GBF1: variants seen among roughly 807,000 people sequenced by gnomAD.
GBF1 encodes the protein Golgi-specific brefeldin A-resistance guanine nucleotide exchange factor 1.
A neutral mutation model predicts 210.5 loss-of-function variants in GBF1; 114 were observed. The ratio of observed to expected loss-of-function variants is 0.54; its 90% CI spans 0.47 to 0.63. GBF1 has a LOEUF of 0.63. GBF1 is among the 30% of genes least tolerant of loss of function. The probability of loss-of-function intolerance (pLI) is 0.00; values close to 1 mark genes in which losing one functional copy is unlikely to be tolerated. For missense variants in GBF1, 1,851 were observed against 2,357.7 expected (o/e 0.79, Z 4.45); for synonymous variants, 850 against 889.2 (o/e 0.96, Z 0.78).
At chr10:102,243,927 C>T (rs1590411832), upstream of GBF1, among the ~76,000 whole-genome samples, 2 of 151,968 alleles carry the variant, frequency 1.3e-5, no homozygotes, top group Admixed American at 1.3e-4. Flanking sequence ...GTCAGGAGTT[C>T]GAGACCAGCC....
chr10:102,231,122 C>A, the GBF1 span: 9 of 1,507,742 alleles, frequency 6.0e-6, no homozygotes, highest in Non-Finnish European at 7.9e-6. Flanking sequence ...GGGAGAAAGG[C>A]GGTCAGGGCC....
intron 30 of GBF1, 128 bp downstream of exon 30, chr10:102,375,712 C>T: frequency 3.1e-6 from 2 of 641,602 alleles, no homozygotes; most frequent in Non-Finnish European, 2.8e-6. Context: ...GCCATCACTT[C>T]CAGAGCTTCC....
At chr10:102,367,656 C>A in intron 21 of GBF1, 96 bp downstream of exon 21, 1 of 792,196 alleles carries the variant, frequency 1.3e-6, no homozygotes, top group Non-Finnish European at 2.2e-6. Flanking sequence ...TGCAGTGACT[C>A]ACATGCCCTG....
intron 3 of GBF1, among the ~76,000 whole-genome samples, chr10:102,261,193 A>T (rs1462336074): frequency 1.3e-5 from 2 of 152,110 alleles, no homozygotes; most frequent in African/African-American, 2.4e-5. Context: ...TTGCTTCTGT[A>T]CATGTGATTA....
At chr10:102,344,680 C>T (rs1045438423) in intron 4 of GBF1, among the ~76,000 whole-genome samples, 54 of 152,136 alleles carry the variant, frequency 3.5e-4, no homozygotes, top group African/African-American at 1.3e-3. Context: ...CGGGGTTTCA[C>T]CATGTTAGCC....
chr10:102,301,547 A>C (rs2077352611), intron 3 of GBF1, among the ~76,000 whole-genome samples: 1 of 151,314 alleles, frequency 6.6e-6, no homozygotes, highest in Non-Finnish European at 1.5e-5. Context: ...CACTTCTCAG[A>C]CTGGGCAGCT....
intron 29 of GBF1, among the ~76,000 whole-genome samples, chr10:102,371,448 A>G (rs945948368): frequency 6.6e-6 from 1 of 152,234 alleles, no homozygotes; most frequent in Non-Finnish European, 1.5e-5. Flanking sequence ...GAAGAGGCAT[A>G]CTATGTTCAT....
chr10:102,375,575 C>T lies in GBF1; in HGVS notation c.3877C>T (p.Pro1293Ser). 1.2e-6 allele frequency: 2 copies of T among 1,607,058 alleles called. No homozygotes were observed. Among genetic ancestry groups the T allele is most frequent in the South Asian group, 2.2e-5 (2 of 90,926 alleles). ...GCAGGCCACAGCCAGGGCAGATGCA[C>T]CTGATGCCGGTAAGCCCTTTCCCAG... is the stretch of plus-strand genomic sequence containing the variant. ...ALQATARADAPDAGAQSDSEL... is the reference protein window; with the variant it reads ...ALQATARADASDAGAQSDSEL... The change falls in exon 30 of 40, where the codon CCT becomes TCT. Residue 1293 changes from proline (P) to serine (S), a missense_variant. Coordinates refer to ENST00000369983, the MANE Select transcript of GBF1 (RefSeq NM_001377137.1).
At chr10:102,380,125 G>T in intron 36 of GBF1, 124 bp from the exon 37 acceptor site, 2 of 777,540 alleles carry the variant, frequency 2.6e-6, no homozygotes, top group South Asian at 1.5e-5. Context: ...TCTTAAATCA[G>T]AGATTCCTCC....
At position 102,261,310 on chromosome 10, in the gene GBF1, AAGG is replaced by A. The variant is rs1265283575; in HGVS notation, c.163+1199_163+1201del. Among the ~76,000 whole-genome samples, 9 of 152,108 alleles carry A rather than the reference AAGG, an allele frequency of 5.9e-5. 1 individual carries two copies. The highest frequency in any genetic ancestry group is 1.9e-4 in the African/African-American group (8 of 41,504). ...CACACACACATATACACTGGCAGGA[AAGG>A]AGGAAAGTGTCAAAACCAAGGGGAT... On this transcript the variant is annotated intron_variant, in intron 3 of 39. Coordinates refer to ENST00000369983, the MANE Select transcript of GBF1 (RefSeq NM_001377137.1).
chr10:102,347,565 G>A (rs2058661292), intron 4 of GBF1, among the ~76,000 whole-genome samples: 1 of 152,184 alleles, frequency 6.6e-6, no homozygotes, highest in African/African-American at 2.4e-5. Context: ...GTTTCCTGTG[G>A]TGGGAAAGGA....
chr10:102,367,488 A>C lies in GBF1; in HGVS notation c.2570A>C (p.Lys857Thr). 6.2e-7 allele frequency: 1 copy of C among 1,609,066 alleles called. No individual in the cohort carries two copies. The highest frequency in any genetic ancestry group is 1.3e-5 in the African/African-American group (1 of 74,964). The part of the protein sequence containing the change: ...NAPMTLEEFR[K>T]NLKGVNGGKD... ...CTGGCCTGTCTCTAGGAGTTTCGCA[A>C]AAATCTGAAAGGTGTGAATGGAGGC... is the stretch of plus-strand genomic sequence containing the variant. The change falls in exon 21 of 40, where the codon AAA becomes ACA. Residue 857 changes from lysine to threonine, a missense_variant. By Grantham distance (78) the Lys-to-Thr change is moderately conservative (BLOSUM62 -1). Coordinates refer to ENST00000369983, the MANE Select transcript of GBF1 (RefSeq NM_001377137.1).
At chr10:102,305,702 C>T (rs563630062) in intron 3 of GBF1, among the ~76,000 whole-genome samples, 12 of 151,906 alleles carry the variant, frequency 7.9e-5, no homozygotes, top group South Asian at 6.2e-4. Flanking sequence ...AGTGCCATGA[C>T]GCAAGACTCT....
upstream of GBF1, among the ~76,000 whole-genome samples, chr10:102,240,808 A>G (rs964451340): frequency 1.3e-5 from 2 of 152,182 alleles, no homozygotes; most frequent in Non-Finnish European, 1.5e-5. Flanking sequence ...GGGCTCTCAC[A>G]ACACAGCTCC....
intron 38 of GBF1, 55 bp from the exon 39 acceptor site, chr10:102,381,072 C>T: frequency 1.3e-6 from 2 of 1,573,384 alleles, no homozygotes; most frequent in Non-Finnish European, 8.7e-7. Context: ...AGCTAGGGCT[C>T]TGCTGGAGAG....
chr10:102,234,500 G>A, the GBF1 span, among the ~76,000 whole-genome samples: 3 of 152,106 alleles, frequency 2.0e-5, no homozygotes, highest in African/African-American at 7.2e-5. Context: ...GTTTGGAGCT[G>A]GAAAACTTTG....
At chr10:102,231,742 C>T in the GBF1 span, 3 of 1,609,728 alleles carry the variant, frequency 1.9e-6, no homozygotes, top group Non-Finnish European at 1.7e-6. Context: ...TTTCAGCGAA[C>T]CGTCCTCTGG....
intron 1 of GBF1, among the ~76,000 whole-genome samples, chr10:102,252,431 T>C (rs796662831): frequency 1.1e-4 from 17 of 152,190 alleles, no homozygotes; most frequent in African/African-American, 3.9e-4. Context: ...GACTCCCTCA[T>C]TGACTTTTGG....
At chr10:102,377,543 CGG>C (rs748173100) in intron 33 of GBF1, among the ~76,000 whole-genome samples, 34 of 151,870 alleles carry the variant, frequency 2.2e-4, no homozygotes, top group Non-Finnish European at 4.6e-4. Context: ...TTAGTAGAAA[CGG>C]GGTTTCACCA....
Sources: allele counts gnomAD v4.1 joint callset (sites outside exome capture counted in the v4.1 genomes callset), GRCh38; gene constraint gnomAD v4.1.1; transcripts MANE v1.5; gene names NCBI Gene and HGNC (gene_info 2026-07-23, HGNC 2026-07-21).